The following TAFA4 variants were observed in gnomAD, a reference collection of about 807,000 sequenced individuals.
TAFA4 encodes the protein chemokine-like protein TAFA-4.
Under a neutral mutation model 21.1 loss-of-function variants are expected in TAFA4, and 20 were observed. The ratio of observed to expected loss-of-function variants is 0.95; its 90% CI spans 0.67 to 1.38. The LOEUF (loss-of-function observed/expected upper bound fraction) is 1.38. Ranked by LOEUF, TAFA4 falls within the 40% of genes most tolerant of loss-of-function variation. TAFA4 has a pLI of 0.00. For synonymous variants in TAFA4, 71 were observed against 67.4 expected (o/e 1.05, Z -0.26); for missense variants, 211 against 180.9 (o/e 1.17, Z -0.95).
intron 3 of TAFA4, among the ~76,000 whole-genome samples, chr3:68,798,866 C>A (rs770169953): frequency 6.6e-6 from 1 of 151,702 alleles, no homozygotes; most frequent in African/African-American, 2.4e-5. Flanking sequence ...TTAAAAGGAA[C>A]AAGAAAAAAT....
intron 3 of TAFA4, among the ~76,000 whole-genome samples, chr3:68,832,830 A>G (rs1352742394): frequency 6.6e-6 from 1 of 152,242 alleles, no homozygotes; most frequent in Non-Finnish European, 1.5e-5. Context: ...GCTGAGCTGC[A>G]GTGGGCTCTG....
intron 3 of TAFA4, among the ~76,000 whole-genome samples, chr3:68,878,945 G>A (rs759572472): frequency 3.3e-5 from 5 of 151,922 alleles, no homozygotes; most frequent in Non-Finnish European, 7.4e-5. Flanking sequence ...TGCCAAAACT[G>A]GGGGGGAGAT....
chr3:68,738,385 C>T lies in TAFA4; in HGVS notation c.411+690G>A, dbSNP rs551168656. ...GAGGTGGACTAGCTTAGAGGATGTG[C>T]ATTTTACAAAATTATTGTAGTCACT... On this transcript the variant is annotated intron_variant, in intron 5 of 5. Coordinates refer to ENST00000295569, the MANE Select transcript of TAFA4 (RefSeq NM_182522.5). 2.6e-5 allele frequency among the ~76,000 whole-genome samples: 4 copies of T among 152,270 alleles called. No homozygotes were observed. The South Asian group carries it at 8.3e-4, about 32-fold the overall frequency.
chr3:68,751,505 C>T (rs1702556320), intron 4 of TAFA4, among the ~76,000 whole-genome samples: 3 of 152,246 alleles, frequency 2.0e-5, no homozygotes, highest in East Asian at 1.9e-4. Context: ...ATGATAAATA[C>T]ATTAGACTTC....
intron 4 of TAFA4, among the ~76,000 whole-genome samples, chr3:68,741,395 G>T (rs1418882822): frequency 1.3e-5 from 2 of 152,104 alleles, no homozygotes; most frequent in African/African-American, 4.8e-5. Context: ...AAATAGGATT[G>T]CTTCCTTAAT....
intron 3 of TAFA4, among the ~76,000 whole-genome samples, chr3:68,863,086 A>G (rs1170483541): frequency 6.6e-6 from 1 of 151,678 alleles, no homozygotes; most frequent in African/African-American, 2.4e-5. Flanking sequence ...AAAAAAAAAA[A>G]AATTAGCCAG....
intron 1 of TAFA4, among the ~76,000 whole-genome samples, chr3:68,909,254 T>C (rs1004329340): frequency 2.0e-5 from 3 of 152,100 alleles, no homozygotes; most frequent in Non-Finnish European, 4.4e-5. Context: ...GGAAGAGGAA[T>C]TAGAAATACT....
chr3:68,843,946 G>C (rs940242729), intron 3 of TAFA4, among the ~76,000 whole-genome samples: 1 of 152,144 alleles, frequency 6.6e-6, no homozygotes, highest in Non-Finnish European at 1.5e-5. Flanking sequence ...TTTTCGCATC[G>C]GTGTCCATCA....
At chr3:68,821,937 C>T (rs552750272) in intron 3 of TAFA4, among the ~76,000 whole-genome samples, 2 of 152,242 alleles carry the variant, frequency 1.3e-5, no homozygotes, top group East Asian at 1.9e-4. Flanking sequence ...AATGCTTCTC[C>T]GGTAATTCTG....
intron 3 of TAFA4, among the ~76,000 whole-genome samples, chr3:68,769,303 C>A (rs1037238416): frequency 6.6e-6 from 1 of 152,184 alleles, no homozygotes; most frequent in Non-Finnish European, 1.5e-5. Flanking sequence ...AAGCTCAGGG[C>A]TCTCACTGAT....
In TAFA4 at chr3:68,752,860, T is replaced by C; in HGVS notation, c.286+3A>G. 1 of 1,614,148 alleles carries C rather than the reference T, an allele frequency of 6.2e-7. No individual in the cohort carries two copies. Among genetic ancestry groups the C allele is most frequent in the Non-Finnish European group, 8.5e-7 (1 of 1,180,018 alleles). ...CCAGAGATGCTGACCAGAGAGGTCT[T>C]ACCTTCAACACAAGAAGGTTGAGCC... is the stretch of plus-strand genomic sequence containing the variant. On this transcript the variant is annotated splice_donor_region_variant and intron_variant, in intron 4 of 5. Coordinates refer to ENST00000295569, the MANE Select transcript of TAFA4 (RefSeq NM_182522.5).
intron 3 of TAFA4, among the ~76,000 whole-genome samples, chr3:68,784,852 G>C (rs776446308): frequency 3.3e-5 from 5 of 152,098 alleles, no homozygotes; most frequent in South Asian, 2.1e-4. Flanking sequence ...GGTTCTCCAC[G>C]TCCCCACCAG....
At chr3:68,811,572 CA>C (rs1703840160) in intron 3 of TAFA4, among the ~76,000 whole-genome samples, 3 of 152,114 alleles carry the variant, frequency 2.0e-5, no homozygotes, top group South Asian at 2.1e-4. Context: ...GAAAGGGTAT[CA>C]GTGATGGAAG....
chr3:68,899,771 T>C (rs1013200945), intron 1 of TAFA4, among the ~76,000 whole-genome samples: 3 of 152,036 alleles, frequency 2.0e-5, no homozygotes, highest in African/African-American at 7.3e-5. Context: ...CACAAGAGAC[T>C]AGGGAGAATG....
chr3:68,756,201 A>C (rs1702656922), intron 3 of TAFA4, among the ~76,000 whole-genome samples: 1 of 152,224 alleles, frequency 6.6e-6, no homozygotes, highest in Non-Finnish European at 1.5e-5. Flanking sequence ...GTGGATAACT[A>C]ATACACCAAC....
rs1425167253 is a variant in TAFA4 at position 68,860,961 on chromosome 3, T to C, written c.130+19769A>G. 5.3e-5 allele frequency among the ~76,000 whole-genome samples: 8 copies of C among 151,966 alleles called. 1 individual carries two copies. Among genetic ancestry groups the C allele is most frequent in the Admixed American group, 5.2e-4 (8 of 15,252 alleles). ...CAAAGAAGAAATCTCACACACAGTT[T>C]CTGGGACTCTAAAGTGGAATGGTCA... On this transcript the variant is annotated intron_variant, in intron 3 of 5. Transcript: ENST00000295569.
In TAFA4 at chr3:68,818,782, C is replaced by T. The variant is rs549784234; in HGVS notation, c.130+61948G>A. On this transcript the variant is annotated intron_variant, in intron 3 of 5. Coordinates refer to ENST00000295569, the MANE Select transcript of TAFA4 (RefSeq NM_182522.5). ...GCACAGTGCATGGTGTACCCCAAAACAATTACAATAGTAATGTCAAAGATC... is the reference window on the plus strand; with the variant it reads ...GCACAGTGCATGGTGTACCCCAAAATAATTACAATAGTAATGTCAAAGATC... 3.9e-5 allele frequency among the ~76,000 whole-genome samples: 6 copies of T among 152,290 alleles called. No homozygotes were observed. In the South Asian group the frequency reaches 1.0e-3, roughly 26 times the overall value.
chr3:68,800,821 T>C (rs553871485), intron 3 of TAFA4, among the ~76,000 whole-genome samples: 5 of 152,188 alleles, frequency 3.3e-5, no homozygotes, highest in South Asian at 2.1e-4. Flanking sequence ...ACCGAAGCAC[T>C]TGAAGAACTG....
At chr3:68,869,776 G>T (rs764064719) in intron 3 of TAFA4, among the ~76,000 whole-genome samples, 1 of 151,626 alleles carries the variant, frequency 6.6e-6, no homozygotes, top group Non-Finnish European at 1.5e-5. Context: ...GAAATTGAAA[G>T]ACATTTCTCT....
Sources: allele counts gnomAD v4.1 joint callset (sites outside exome capture counted in the v4.1 genomes callset), GRCh38; gene constraint gnomAD v4.1.1; transcripts MANE v1.5; gene names NCBI Gene and HGNC (gene_info 2026-07-23, HGNC 2026-07-21).